Variants in PLEKHA7 observed in about 807,000 individuals in gnomAD.
The protein encoded by PLEKHA7 is pleckstrin homology domain-containing family A member 7.
Under a neutral mutation model 170.0 loss-of-function variants are expected in PLEKHA7, and 104 were observed. The observed-to-expected ratio is 0.61, with a 90% CI of 0.52 to 0.72. PLEKHA7 has a LOEUF of 0.72. PLEKHA7 is among the 30% of genes least tolerant of loss of function. The pLI is 0.00. For synonymous variants in PLEKHA7, 648 were observed against 660.8 expected, an observed-to-expected ratio of 0.98 and a Z score of 0.30; for missense variants, 1,615 against 1,671.7, an observed-to-expected ratio of 0.97 and a Z score of 0.59.
intron 3 of PLEKHA7, among the ~76,000 whole-genome samples, chr11:16,911,595 A>G (rs979085829): frequency 3.9e-5 from 6 of 152,120 alleles, no homozygotes; most frequent in Admixed American, 3.9e-4. Flanking sequence ...ACTCCTCTGT[A>G]AAGAGGTCTC....
intron 3 of PLEKHA7, among the ~76,000 whole-genome samples, chr11:16,914,404 G>A (rs1290033152): frequency 6.6e-6 from 1 of 152,140 alleles, no homozygotes. Flanking sequence ...AAAGCAAACC[G>A]GTGACACTCA....
intron 17 of PLEKHA7, among the ~76,000 whole-genome samples, chr11:16,796,530 CTG>C (rs1848240547): frequency 6.6e-6 from 1 of 152,120 alleles, no homozygotes; most frequent in Admixed American, 6.5e-5. Context: ...ATGAGAGTGA[CTG>C]TTAATGGATA....
intron 3 of PLEKHA7, among the ~76,000 whole-genome samples, chr11:16,887,368 TCTCCCCACGGTCTGCCTCTCCC>T (rs1856203413): frequency 6.7e-6 from 1 of 149,278 alleles, no homozygotes; most frequent in East Asian, 2.0e-4. Flanking sequence ...TGCCTCTCCC[TCTCCCCACGGTCTGCCTCTCCC>T]TCTCCCCACG....
chr11:16,859,502 T>C (rs762021920), intron 4 of PLEKHA7, among the ~76,000 whole-genome samples: 6 of 152,194 alleles, frequency 3.9e-5, no homozygotes, highest in African/African-American at 2.4e-5. Flanking sequence ...TTTACCACAA[T>C]GGGTAATGAG....
In PLEKHA7 at chr11:17,014,407, CCGAG is replaced by C; in HGVS notation, c.-10_-7del. 7.5e-7 allele frequency: 1 copy of C among 1,339,458 alleles called. No homozygotes were observed. Among genetic ancestry groups the C allele is most frequent in the Non-Finnish European group, 9.7e-7 (1 of 1,036,166 alleles). 83.0% of individuals were successfully genotyped at this position (1,339,458 alleles called of 1,614,324 possible). ...CCGACCGTCGCCGCCGCCATGTTCG[CCGAG>C]CGCGGAGCCGCCGCGGGGTGGGGGG... On this transcript the variant is annotated 5_prime_UTR_variant, in exon 1 of 27. Transcript: ENST00000531066.
At chr11:16,968,449 C>A (rs1015739114) in intron 3 of PLEKHA7, among the ~76,000 whole-genome samples, 2 of 152,180 alleles carry the variant, frequency 1.3e-5, no homozygotes, top group African/African-American at 4.8e-5. Flanking sequence ...CCTTCCAGGG[C>A]AAGGCTCTCT....
intron 3 of PLEKHA7, among the ~76,000 whole-genome samples, chr11:16,981,643 C>T (rs758257915): frequency 5.3e-5 from 8 of 150,574 alleles, no homozygotes; most frequent in African/African-American, 9.7e-5. Context: ...GGTTGGGGGG[C>T]GGGGCGGGGA....
At chr11:16,810,767 A>T (rs1849316769) in intron 13 of PLEKHA7, among the ~76,000 whole-genome samples, 3 of 152,192 alleles carry the variant, frequency 2.0e-5, no homozygotes, top group South Asian at 2.1e-4. Flanking sequence ...CAAAAACATA[A>T]GGCCTTTGGG....
chr11:16,831,131 T>A (rs1335897634), intron 9 of PLEKHA7, among the ~76,000 whole-genome samples: 1 of 152,190 alleles, frequency 6.6e-6, no homozygotes, highest in Non-Finnish European at 1.5e-5. Flanking sequence ...AGCTCCTTAT[T>A]CCCATGGCTC....
At chr11:16,992,279 G>A (rs150181470) in intron 3 of PLEKHA7, among the ~76,000 whole-genome samples, 58 of 152,292 alleles carry the variant, frequency 3.8e-4, no homozygotes, top group Non-Finnish European at 6.3e-4. Context: ...AATTGCTCCC[G>A]GCTTTCAAGG....
At chr11:16,833,885 T>C (rs1851309761) in intron 9 of PLEKHA7, among the ~76,000 whole-genome samples, 1 of 152,104 alleles carries the variant, frequency 6.6e-6, no homozygotes, top group Non-Finnish European at 1.5e-5. Context: ...TTTTCTTTCA[T>C]GAAAGGTAAT....
At chr11:16,945,517 G>A (rs1860972193) in intron 3 of PLEKHA7, among the ~76,000 whole-genome samples, 1 of 152,192 alleles carries the variant, frequency 6.6e-6, no homozygotes, top group Non-Finnish European at 1.5e-5. Context: ...GTAGTGCTTG[G>A]TAAGGGATGA....
chr11:17,011,319 G>A (rs574018044), intron 3 of PLEKHA7, among the ~76,000 whole-genome samples: 4 of 152,196 alleles, frequency 2.6e-5, no homozygotes, highest in East Asian at 1.9e-4. Context: ...CAACTGCCCC[G>A]TCTCTTTACT....
At chr11:16,932,238 A>C (rs751450124) in intron 3 of PLEKHA7, among the ~76,000 whole-genome samples, 3 of 152,084 alleles carry the variant, frequency 2.0e-5, no homozygotes, top group Non-Finnish European at 2.9e-5. Flanking sequence ...AGCATGGGAC[A>C]CAATAGTACT....
chr11:16,899,303 C>A (rs981122315), intron 3 of PLEKHA7, among the ~76,000 whole-genome samples: 1 of 152,108 alleles, frequency 6.6e-6, no homozygotes, highest in African/African-American at 2.4e-5. Context: ...TTGAGACCAG[C>A]CTGACCTACA....
intron 26 of PLEKHA7, chr11:16,780,892 C>G: frequency 1.4e-6 from 1 of 700,046 alleles, no homozygotes; most frequent in Non-Finnish European, 1.8e-6. Flanking sequence ...GGGCTCAGCG[C>G]TAGGGAGGTG....
chr11:16,952,858 T>A (rs1473686194), intron 3 of PLEKHA7, among the ~76,000 whole-genome samples: 1 of 152,260 alleles, frequency 6.6e-6, no homozygotes, highest in Non-Finnish European at 1.5e-5. Context: ...TTCTTGACTT[T>A]AAAAACACAA....
At chr11:16,892,432 G>GTGTGTGTTT (rs1554964931) in intron 3 of PLEKHA7, among the ~76,000 whole-genome samples, 5 of 114,946 alleles carry the variant, frequency 4.3e-5, no homozygotes, top group African/African-American at 1.5e-4. Context: ...GTGTGTGTGT[G>GTGTGTGTTT]TGTTTTGTTT....
chr11:16,893,502 TCA>T (rs1201829586), intron 3 of PLEKHA7, among the ~76,000 whole-genome samples: 3 of 152,174 alleles, frequency 2.0e-5, no homozygotes, highest in Admixed American at 2.0e-4. Context: ...TCCTTTTCTC[TCA>T]GTGTCACCTC....
Sources: allele counts gnomAD v4.1 joint callset (sites outside exome capture counted in the v4.1 genomes callset), GRCh38; gene constraint gnomAD v4.1.1; transcripts MANE v1.5; gene names NCBI Gene and HGNC (gene_info 2026-07-23, HGNC 2026-07-21).